RPS6KA2: variants seen among roughly 807,000 people sequenced by gnomAD.
RPS6KA2 encodes ribosomal protein S6 kinase A2.
RPS6KA2 carries 42 observed loss-of-function variants against 91.8 expected under a neutral mutation model. That is an observed-to-expected ratio of 0.46 (90% CI 0.36 to 0.59). RPS6KA2 has a LOEUF of 0.59. Among genes scored for constraint, RPS6KA2 ranks in the 20% least tolerant of loss-of-function variants. The probability of loss-of-function intolerance (pLI) is 0.00; values close to 1 mark genes in which losing one functional copy is unlikely to be tolerated. For missense variants in RPS6KA2, 798 were observed against 978.5 expected, an observed-to-expected ratio of 0.82 and a Z score of 2.46; for synonymous variants, 414 against 393.6, an observed-to-expected ratio of 1.05 and a Z score of -0.61.
intron 2 of RPS6KA2, among the ~76,000 whole-genome samples, chr6:166,745,349 A>C (rs1344034697): frequency 6.6e-6 from 1 of 151,996 alleles, no homozygotes; most frequent in Non-Finnish European, 1.5e-5. Flanking sequence ...ATGGGGTTTT[A>C]CCATGTTGGT....
At chr6:166,765,377 C>A (rs1778283411) in intron 2 of RPS6KA2, among the ~76,000 whole-genome samples, 1 of 152,310 alleles carries the variant, frequency 6.6e-6, no homozygotes, top group South Asian at 2.1e-4. Flanking sequence ...CACAGCCAGC[C>A]CTCCTTAGCC....
At chr6:166,822,301 G>C (rs1024317041) in intron 2 of RPS6KA2, among the ~76,000 whole-genome samples, 2 of 152,212 alleles carry the variant, frequency 1.3e-5, no homozygotes, top group Non-Finnish European at 2.9e-5. Context: ...AATCAGCTAA[G>C]ATGAGGCCAC....
At chr6:166,566,857 G>C (rs548262837) in intron 1 of RPS6KA2, among the ~76,000 whole-genome samples, 46 of 152,338 alleles carry the variant, frequency 3.0e-4, no homozygotes, top group African/African-American at 9.1e-4. Context: ...ACGCAAAGCT[G>C]AAGGTCTCAT....
chr6:166,747,846 T>C (rs1473187581), intron 2 of RPS6KA2, among the ~76,000 whole-genome samples: 1 of 152,180 alleles, frequency 6.6e-6, no homozygotes. Flanking sequence ...GGAGACAGGA[T>C]GGCACAGGGG....
In RPS6KA2 at chr6:166,648,184, G is replaced by GCA. The variant is rs1554242209; in HGVS notation, c.124-109402_124-109401dup. Among the ~76,000 whole-genome samples the GCA allele has an allele frequency of 7.5e-6, 1 of 134,066 alleles. No homozygotes were observed. The highest frequency in any genetic ancestry group is 1.6e-5 in the Non-Finnish European group (1 of 63,268). 88.0% of individuals were successfully genotyped at this position (134,066 alleles called of 152,430 possible). A position where few individuals can be genotyped will look rare whatever the true frequency, so the allele number is the denominator to read the frequency against. ...CCCATGCACACATGCTCACACACAT[G>GCA]CACACATGCTCATACACACACTCAT... is the stretch of plus-strand genomic sequence containing the variant. On this transcript the variant is annotated intron_variant, in intron 2 of 21. Transcript: ENST00000503859. This position sits in a 1 kb window ranked among gnomAD's most constrained non-coding sequence, Gnocchi z 4.8.
At chr6:166,416,198 CAA>C (rs1273303454) in intron 19 of RPS6KA2, among the ~76,000 whole-genome samples, 8 of 152,182 alleles carry the variant, frequency 5.3e-5, no homozygotes, top group Non-Finnish European at 1.0e-4. Flanking sequence ...CTTTCTCCAT[CAA>C]CCCTACCATC....
intron 2 of RPS6KA2, among the ~76,000 whole-genome samples, chr6:166,807,389 C>CT (rs1779519076): frequency 6.6e-6 from 1 of 152,158 alleles, no homozygotes; most frequent in Admixed American, 6.5e-5. Flanking sequence ...CACATGTGTT[C>CT]TTTTTTCCAC....
chr6:166,772,186 A>G (rs6456123), intron 2 of RPS6KA2, among the ~76,000 whole-genome samples: 102,500 of 151,950 alleles, frequency 0.67, 34,495 homozygotes, highest in Middle Eastern at 0.68. Context: ...CCCTCCTGGC[A>G]AGCACTCCCT....
At chr6:166,728,403 G>A (rs1297621461) in intron 2 of RPS6KA2, among the ~76,000 whole-genome samples, 2 of 152,160 alleles carry the variant, frequency 1.3e-5, no homozygotes, top group African/African-American at 4.8e-5. Context: ...GTAAGAAACT[G>A]CTGTCCCAGG....
chr6:166,573,899 G>T (rs1214248159), intron 1 of RPS6KA2, among the ~76,000 whole-genome samples: 2 of 152,188 alleles, frequency 1.3e-5, no homozygotes, highest in Non-Finnish European at 2.9e-5. Flanking sequence ...GCATGTGAAG[G>T]TGTGTCAGAT....
intron 10 of RPS6KA2, among the ~76,000 whole-genome samples, chr6:166,487,337 C>G (rs561387591): frequency 6.6e-6 from 1 of 152,026 alleles, no homozygotes; most frequent in Non-Finnish European, 1.5e-5. Flanking sequence ...GGGAGCTCAC[C>G]GTGTCACCTG....
chr6:166,781,887 C>T (rs1583110854), intron 2 of RPS6KA2, among the ~76,000 whole-genome samples: 1 of 152,182 alleles, frequency 6.6e-6, no homozygotes, highest in Non-Finnish European at 1.5e-5. Context: ...ATGACTCTGT[C>T]GTGGGGCCTG....
At chr6:166,576,562 C>T (rs1316322200) in intron 1 of RPS6KA2, among the ~76,000 whole-genome samples, 1 of 152,154 alleles carries the variant, frequency 6.6e-6, no homozygotes. Flanking sequence ...CAGCATTTTG[C>T]CCCTGCCCTA....
intron 13 of RPS6KA2, among the ~76,000 whole-genome samples, chr6:166,450,160 G>C (rs1321009537): frequency 7.8e-6 from 1 of 128,962 alleles, no homozygotes; most frequent in Non-Finnish European, 1.6e-5. Flanking sequence ...GGGACCACCA[G>C]GGAGACCACC....
intron 1 of RPS6KA2, among the ~76,000 whole-genome samples, chr6:166,623,351 A>G (rs1406422759): frequency 6.6e-6 from 1 of 152,210 alleles, no homozygotes; most frequent in African/African-American, 2.4e-5. Context: ...CTGAGGCTCT[A>G]CTGGCGTGTG....
intron 2 of RPS6KA2, among the ~76,000 whole-genome samples, chr6:166,651,996 C>T (rs1787867798): frequency 6.6e-6 from 1 of 152,246 alleles, no homozygotes; most frequent in South Asian, 2.1e-4. Context: ...GCCGTGCTTT[C>T]ACTAACCCTT....
rs1790596486 is a variant in RPS6KA2, at chr6:166,733,681, T to A, written c.123+124519A>T. Among the ~76,000 whole-genome samples the A allele has an allele frequency of 6.6e-6, 1 of 152,318 alleles. No individual in the cohort carries two copies. The highest frequency in any genetic ancestry group is 3.4e-3 in the Middle Eastern group (1 of 294). On this transcript the variant is annotated intron_variant, in intron 2 of 21. Coordinates refer to the RPS6KA2 transcript ENST00000503859. This position sits in a 1 kb window ranked among gnomAD's most constrained non-coding sequence, Gnocchi z 4.1. Reference sequence around the variant, plus strand: ...TCCCTCGTGGACAGTTTCCATGGAATGTCCCAGGCACAGGTCACATTTCAG... The same window carrying A: ...TCCCTCGTGGACAGTTTCCATGGAAAGTCCCAGGCACAGGTCACATTTCAG...
intron 1 of RPS6KA2, among the ~76,000 whole-genome samples, chr6:166,580,240 C>T (rs1486562109): frequency 6.6e-6 from 1 of 152,242 alleles, no homozygotes; most frequent in East Asian, 1.9e-4. Flanking sequence ...CACCCGATGG[C>T]TCTCAGGGAC....
In RPS6KA2 at chr6:166,852,941, G is replaced by A. The variant is rs13216931; in HGVS notation, c.123+5259C>T. ...GGAAATGCACCTGCCCTGCCCCCTC[G>A]CCCGGATACTTTCTATTCTGCTATG... is the stretch of plus-strand genomic sequence containing the variant. On this transcript the variant is annotated intron_variant, in intron 2 of 21. Transcript: ENST00000503859. This position sits in a 1 kb window ranked among gnomAD's most constrained non-coding sequence, Gnocchi z 4.1. Among the ~76,000 whole-genome samples the A allele has an allele frequency of 0.067, 10,138 of 152,062 alleles. 401 individuals are homozygous for A. The highest frequency in any genetic ancestry group is 0.14 in the Middle Eastern group (42 of 294).
Sources: gnomAD v4.1 joint callset for allele counts (sites outside exome capture counted in the v4.1 genomes callset) on GRCh38, gnomAD v4.1.1 for gene constraint, Gnocchi (gnomAD v3.1) non-coding constraint, MANE v1.5 for transcripts, NCBI Gene and HGNC (gene_info 2026-07-23, HGNC 2026-07-21) for gene names.